The following ERCC6 variants were observed in gnomAD, a reference collection of about 807,000 sequenced individuals.
ERCC6 encodes ERCC excision repair 6, chromatin remodeling factor.
A neutral mutation model predicts 158.7 loss-of-function variants in ERCC6; 116 were observed. That is an observed-to-expected ratio of 0.73 (90% confidence interval 0.63 to 0.85). The LOEUF (loss-of-function observed/expected upper bound fraction) is 0.85. ERCC6 is among the 40% of genes least tolerant of loss of function. The probability of loss-of-function intolerance (pLI) is 0.00; values close to 1 mark genes in which losing one functional copy is unlikely to be tolerated. For missense variants in ERCC6, 1,698 were observed against 1,799.4 expected, an observed-to-expected ratio of 0.94 and a Z score of 1.02; for synonymous variants, 678 against 659.3, an observed-to-expected ratio of 1.03 and a Z score of -0.43.
At position 49,476,244 on chromosome 10, in the gene ERCC6, C is replaced by T. The variant is rs147231237; in HGVS notation, c.2353G>A (p.Val785Ile). The change falls in exon 12 of 21, where the codon GTT (valine) becomes ATT (isoleucine). Residue 785 changes from valine to isoleucine, a missense_variant. By Grantham distance (29) the Val-to-Ile change is conservative. Coordinates refer to ENST00000355832, the MANE Select transcript of ERCC6 (RefSeq NM_000124.4). ...ATCTCTCCATTGAGAATCCTGTAAA[C>T]TTCTTTGGAATCAACGAAATTTTGG... is the stretch of plus-strand genomic sequence containing the variant. ...VYQNFVDSKE[V>I]YRILNGEMQI... is the part of the protein sequence containing the mutation. The T allele has an allele frequency of 1.9e-6, 3 of 1,613,812 alleles. No individual in the cohort carries two copies. In the East Asian group the frequency reaches 6.7e-5, roughly 36 times the overall value.
intron 1 of ERCC6, among the ~76,000 whole-genome samples, chr10:49,538,076 TTTGAG>T (rs2132649595): frequency 6.6e-6 from 1 of 152,334 alleles, no homozygotes; most frequent in South Asian, 2.1e-4. Context: ...TATTTTTAAC[TTTGAG>T]TTAAGAAGAG....
chr10:49,491,481 A>G (rs1851171960), intron 8 of ERCC6, among the ~76,000 whole-genome samples: 1 of 152,230 alleles, frequency 6.6e-6, no homozygotes, highest in African/African-American at 2.4e-5. Context: ...ATTAACAACC[A>G]TATGTATGCA....
Position 49,505,696 on chromosome 10 carries a change from C to T in ERCC6, c.1526+188G>A, listed in dbSNP as rs1030151745. Reference sequence around the variant, plus strand: ...AAACATACCCAATGCACATTTTAGTCAACTTATTATCATCCAATTTTAATG... The same window carrying T: ...AAACATACCCAATGCACATTTTAGTTAACTTATTATCATCCAATTTTAATG... On this transcript the variant is annotated intron_variant, in intron 6 of 20. Coordinates refer to ENST00000355832, the MANE Select transcript of ERCC6 (RefSeq NM_000124.4). The T allele has an allele frequency of 1.4e-5, 9 of 645,768 alleles. No individual in the cohort carries two copies. The African/African-American group carries it at 1.6e-4, about 12-fold the overall frequency. The allele number at this position is 645,768 out of a possible 1,614,324, so 40.0% of individuals were successfully genotyped here.
chr10:49,524,727 C>A lies in ERCC6; in HGVS notation c.703G>T (p.Ala235Ser), dbSNP rs1564442882. 6.2e-7 allele frequency: 1 copy of A among 1,606,526 alleles called. No individual in the cohort carries two copies. Among genetic ancestry groups the A allele is most frequent in the Admixed American group, 1.7e-5 (1 of 59,994 alleles). ...CCAGTGCGGATGAGCTCTTCCCAGG[C>A]AGTCTCCTGGACAGGCATGAGCATG... ...GSMLMPVQETAWEELIRTGQM... is the reference protein window; with the variant it reads ...GSMLMPVQETSWEELIRTGQM... The change falls in exon 5 of 21, where the codon GCC becomes TCC. Residue 235 changes from alanine (A) to serine (S), a missense_variant. Ala to Ser is a moderately conservative substitution (Grantham distance 99). Transcript: ENST00000355832.
chr10:49,537,213 G>A lies in ERCC6; in HGVS notation c.-15+1749C>T, dbSNP rs537372458. On this transcript the variant is annotated intron_variant, in intron 1 of 20. Transcript: ENST00000355832. ...GCAAAAATTAGCTGGGCATGGAGGC[G>A]CGCGCCTGTAATCCCAGCTACTCGA... 1.8e-4 allele frequency among the ~76,000 whole-genome samples: 27 copies of A among 151,990 alleles called. 1 individual carries two copies. The highest frequency in any genetic ancestry group is 4.3e-4 in the African/African-American group (18 of 41,480).
chr10:49,471,534 C>A (rs1368466874), intron 16 of ERCC6, among the ~76,000 whole-genome samples: 1 of 152,134 alleles, frequency 6.6e-6, no homozygotes, highest in African/African-American at 2.4e-5. Context: ...TGTCTCCACT[C>A]TGACCTCTCT....
intron 4 of ERCC6, chr10:49,524,993 A>C: frequency 8.0e-6 from 10 of 1,256,418 alleles, no homozygotes; most frequent in Non-Finnish European, 9.5e-6. Flanking sequence ...ACAACTTCTC[A>C]GTAACTTTTC....
chr10:49,516,324 T>G, intron 5 of ERCC6: 1 of 1,614,156 alleles, frequency 6.2e-7, no homozygotes, highest in Non-Finnish European at 8.5e-7. Context: ...GAAATATGTT[T>G]CATTTGGAAC....
intron 7 of ERCC6, among the ~76,000 whole-genome samples, chr10:49,494,269 T>C (rs1382546351): frequency 6.6e-6 from 1 of 152,214 alleles, no homozygotes; most frequent in Non-Finnish European, 1.5e-5. Context: ...ATTGATCTTA[T>C]AGGGTTATTA....
the ERCC6 span, among the ~76,000 whole-genome samples, chr10:49,448,218 T>A: frequency 6.6e-6 from 1 of 152,216 alleles, no homozygotes; most frequent in African/African-American, 2.4e-5. Flanking sequence ...TTTAAAAAAA[T>A]TATTATAGTC....
intron 8 of ERCC6, among the ~76,000 whole-genome samples, chr10:49,483,954 T>C (rs919929871): frequency 1.3e-5 from 2 of 148,392 alleles, no homozygotes; most frequent in Non-Finnish European, 3.0e-5. Context: ...CAGGACAGAG[T>C]GAAAAGGATA....
Position 49,461,554 on chromosome 10 carries a change from C to T in ERCC6, c.3781G>A (p.Gly1261Ser), listed in dbSNP as rs1487381418. The T allele has an allele frequency of 6.2e-7, 1 of 1,612,574 alleles. No individual in the cohort carries two copies. Residue 1261 changes from glycine to serine, a missense_variant and splice_region_variant, in exon 19 of 21, where the codon GGC (glycine) becomes AGC (serine). Physicochemically the swap from Gly to Ser is moderately conservative, Grantham distance 56. Coordinates refer to ENST00000355832, the MANE Select transcript of ERCC6 (RefSeq NM_000124.4). ...VLEKLFKKSV[G>S]VHSVMKHDAI... ...TCGTGCTTCATGACACTGTGCACGCCAACTAGCAAGAAAAGAAATAGCAAA... is the reference window on the plus strand; with the variant it reads ...TCGTGCTTCATGACACTGTGCACGCTAACTAGCAAGAAAAGAAATAGCAAA...
intron 4 of ERCC6, among the ~76,000 whole-genome samples, chr10:49,526,155 A>ATC: frequency 9.6e-6 from 1 of 104,014 alleles, no homozygotes; most frequent in South Asian, 3.3e-4. Flanking sequence ...ATATATATAT[A>ATC]TATATATCTG....
intron 5 of ERCC6, among the ~76,000 whole-genome samples, chr10:49,508,482 T>C (rs1203337806): frequency 6.6e-6 from 1 of 152,044 alleles, no homozygotes; most frequent in Non-Finnish European, 1.5e-5. Context: ...ACAGAAACGA[T>C]TGCATTCTAG....
intron 11 of ERCC6, 49 bp downstream of exon 11, chr10:49,478,305 G>A (rs1002248425): frequency 8.4e-7 from 1 of 1,195,224 alleles, no homozygotes; most frequent in Non-Finnish European, 1.3e-6. Context: ...TGAAGGGAAA[G>A]ACACACTTGT....
intron 5 of ERCC6, among the ~76,000 whole-genome samples, chr10:49,511,277 G>GA (rs1554791077): frequency 6.6e-6 from 1 of 151,998 alleles, no homozygotes; most frequent in Non-Finnish European, 1.5e-5. Flanking sequence ...CTTATGATGG[G>GA]AAAAAAGTCT....
rs746408785 is a variant in ERCC6, at chr10:49,470,858, G to A, written c.3102C>T (p.Cys1034=). ...CTGGTTGAATCCTTCTTTTTAGATGGCATTTGGGTGTCTGAACATCTGATC... is the reference window on the plus strand; with the variant it reads ...CTGGTTGAATCCTTCTTTTTAGATGACATTTGGGTGTCTGAACATCTGATC... The part of the protein sequence containing the change: ...GTGSDVQTPK[C]HLKRRIQPAF... Residue 1034 remains cysteine (C), a synonymous_variant, in exon 18 of 21, where the codon TGC becomes TGT. Coordinates refer to ENST00000355832, the MANE Select transcript of ERCC6 (RefSeq NM_000124.4). The A allele has an allele frequency of 6.2e-7, 1 of 1,613,888 alleles. No homozygotes were observed. The highest frequency in any genetic ancestry group is 2.2e-5 in the East Asian group (1 of 44,870).
intron 5 of ERCC6, chr10:49,515,451 A>C: frequency 6.2e-7 from 1 of 1,614,156 alleles, no homozygotes; most frequent in Non-Finnish European, 8.5e-7. Flanking sequence ...CTGTTTGACT[A>C]TCACATGATT....
chr10:49,515,551 G>C, intron 5 of ERCC6: 3 of 1,614,052 alleles, frequency 1.9e-6, no homozygotes, highest in South Asian at 1.1e-5. Flanking sequence ...TCCAGATAAT[G>C]GCATACCACA....
Sources: gnomAD v4.1 joint callset for allele counts (sites outside exome capture counted in the v4.1 genomes callset) on GRCh38, gnomAD v4.1.1 for gene constraint, MANE v1.5 for transcripts, NCBI Gene and HGNC (gene_info 2026-07-23, HGNC 2026-07-21) for gene names.